PPIP5K2: variants seen among roughly 807,000 people sequenced by gnomAD.
PPIP5K2 encodes diphosphoinositol pentakisphosphate kinase 2, also known as inositol hexakisphosphate and diphosphoinositol-pentakisphosphate kinase 2.
PPIP5K2 carries 105 observed loss-of-function variants against 154.6 expected under a neutral mutation model. The observed-to-expected ratio is 0.68, with a 90% CI of 0.58 to 0.80. The LOEUF (loss-of-function observed/expected upper bound fraction) is 0.80. Among genes scored for constraint, PPIP5K2 ranks in the 30% least tolerant of loss-of-function variants. The pLI, the probability that PPIP5K2 is intolerant of heterozygous loss-of-function variation, is 0.00. For missense variants in PPIP5K2, 992 were observed against 1,504.6 expected, an observed-to-expected ratio of 0.66 and a Z score of 5.64; for synonymous variants, 480 against 490.3, an observed-to-expected ratio of 0.98 and a Z score of 0.28.
At position 103,209,291 on chromosome 5, in the gene PPIP5K2, T is replaced by C. The variant is rs1222382471; in HGVS notation, c.*7657T>C. Reference sequence around the variant, plus strand: ...GTTGCCAGGGCAACAGCCTGCCTAGTAACAATCTAACAGACACCCCCCAAA... The same window carrying C: ...GTTGCCAGGGCAACAGCCTGCCTAGCAACAATCTAACAGACACCCCCCAAA... On this transcript the variant is annotated 3_prime_UTR_variant, in exon 31 of 31. Transcript: ENST00000358359. The C allele has an allele frequency of 2.0e-5, 3 of 152,136 alleles. No individual in the cohort carries two copies. Among genetic ancestry groups the C allele is most frequent in the Non-Finnish European group, 4.4e-5 (3 of 68,014 alleles). 9.4% of individuals were successfully genotyped at this position (152,136 alleles called of 1,614,324 possible).
intron 19 of PPIP5K2, among the ~76,000 whole-genome samples, chr5:103,171,117 G>T (rs1285025017): frequency 6.6e-6 from 1 of 151,384 alleles, no homozygotes; most frequent in East Asian, 1.9e-4. Flanking sequence ...CTTAAATGAT[G>T]CATATGGTCT....
At chr5:103,153,263 G>C (rs1433609916) in intron 10 of PPIP5K2, among the ~76,000 whole-genome samples, 3 of 151,572 alleles carry the variant, frequency 2.0e-5, no homozygotes, top group African/African-American at 7.3e-5. Flanking sequence ...GATTTAACAC[G>C]CAAGTGTTAA....
At chr5:103,153,055 A>G (rs1794881942) in intron 10 of PPIP5K2, among the ~76,000 whole-genome samples, 1 of 151,932 alleles carries the variant, frequency 6.6e-6, no homozygotes. Flanking sequence ...CTCTCAAGTC[A>G]TATCTTGCAT....
intron 7 of PPIP5K2, among the ~76,000 whole-genome samples, chr5:103,148,461 A>C (rs530283735): frequency 1.3e-5 from 2 of 152,236 alleles, no homozygotes; most frequent in Admixed American, 1.3e-4. Flanking sequence ...CTGTCATTTT[A>C]GTTGGTGACA....
chr5:103,154,654 C>G lies in PPIP5K2; in HGVS notation c.1218-16C>G, dbSNP rs1554212439. ...ATTATTGCAAGTGACTAACAGTGTT[C>G]TGTCTTTTTTATAAGATTTTTTGAT... is the stretch of plus-strand genomic sequence containing the variant. On this transcript the variant is annotated splice_polypyrimidine_tract_variant and intron_variant, in intron 11 of 30. Transcript: ENST00000358359. 1.4e-6 allele frequency: 2 copies of G among 1,413,620 alleles called. No homozygotes were observed. Among genetic ancestry groups the G allele is most frequent in the Non-Finnish European group, 2.0e-6 (2 of 1,023,258 alleles). 87.6% of individuals were successfully genotyped at this position (1,413,620 alleles called of 1,614,324 possible).
chr5:103,128,060 A>T (rs1283804420), intron 1 of PPIP5K2, among the ~76,000 whole-genome samples: 2 of 152,162 alleles, frequency 1.3e-5, no homozygotes, highest in African/African-American at 4.8e-5. Flanking sequence ...AAATTATTTT[A>T]AATGTAACGC....
chr5:103,208,861 T>G lies in PPIP5K2; in HGVS notation c.*7227T>G, dbSNP rs529560884. The G allele has an allele frequency of 4.6e-5, 7 of 152,324 alleles. No individual in the cohort carries two copies. Among genetic ancestry groups the G allele is most frequent in the African/African-American group, 1.7e-4 (7 of 41,574 alleles). 9.4% of individuals were successfully genotyped at this position (152,324 alleles called of 1,614,324 possible). A position where few individuals can be genotyped will look rare whatever the true frequency, so the allele number is the denominator to read the frequency against. Reference sequence around the variant, plus strand: ...GAGGTTAAAGTGTCTTCTAGTTTTGTTGAAGATAGTTTATGTTTCTCTTCA... The same window carrying G: ...GAGGTTAAAGTGTCTTCTAGTTTTGGTGAAGATAGTTTATGTTTCTCTTCA... On this transcript the variant is annotated 3_prime_UTR_variant, in exon 31 of 31. Coordinates refer to ENST00000358359, the MANE Select transcript of PPIP5K2 (RefSeq NM_001276277.3).
intron 23 of PPIP5K2, 39 bp downstream of exon 23, chr5:103,178,019 T>A: frequency 4.0e-6 from 5 of 1,252,600 alleles, no homozygotes; most frequent in Non-Finnish European, 5.8e-6. Flanking sequence ...GTTACTACAG[T>A]TCTAGATTTT....
chr5:103,198,502 C>T (rs1371912975), intron 30 of PPIP5K2, among the ~76,000 whole-genome samples: 1 of 152,022 alleles, frequency 6.6e-6, no homozygotes, highest in Non-Finnish European at 1.5e-5. Context: ...GTACAGAGAG[C>T]GATTACACTC....
chr5:103,154,572 T>G, intron 11 of PPIP5K2, 98 bp from the exon 12 acceptor site: 1 of 710,114 alleles, frequency 1.4e-6, no homozygotes, highest in South Asian at 2.3e-5. Context: ...TCCCAAGTTC[T>G]AGTCCCATAG....
chr5:103,161,656 C>T (rs1410142251), intron 17 of PPIP5K2, among the ~76,000 whole-genome samples: 1 of 152,176 alleles, frequency 6.6e-6, no homozygotes, highest in African/African-American at 2.4e-5. Flanking sequence ...GCCATTCTAA[C>T]TGGTGTGAGA....
intron 14 of PPIP5K2, among the ~76,000 whole-genome samples, chr5:103,157,027 C>T (rs2149599197): frequency 6.6e-6 from 1 of 152,116 alleles, no homozygotes; most frequent in East Asian, 1.9e-4. Flanking sequence ...ATTCTATAAG[C>T]AAATAATTTA....
Position 103,194,882 on chromosome 5 carries a change from T to A in PPIP5K2, c.3494-18T>A. 1 of 1,596,208 alleles carries A rather than the reference T, an allele frequency of 6.3e-7. No homozygotes were observed. Among genetic ancestry groups the A allele is most frequent in the Non-Finnish European group, 8.5e-7 (1 of 1,172,432 alleles). ...GCAGGAAATTATTAAATTAACATGTTTGTTTATTTTTTTTCAGCCTCTACA... is the reference window on the plus strand; with the variant it reads ...GCAGGAAATTATTAAATTAACATGTATGTTTATTTTTTTTCAGCCTCTACA... On this transcript the variant is annotated intron_variant, in intron 29 of 30. Transcript: ENST00000358359.
chr5:103,192,054 T>C (rs1337696345), intron 29 of PPIP5K2, among the ~76,000 whole-genome samples: 9 of 152,180 alleles, frequency 5.9e-5, no homozygotes, highest in African/African-American at 2.2e-4. Flanking sequence ...TCTATTCTCT[T>C]TATATTTTGT....
chr5:103,146,420 A>C, intron 5 of PPIP5K2, 107 bp from the exon 6 acceptor site: 3 of 1,168,122 alleles, frequency 2.6e-6, no homozygotes, highest in South Asian at 1.7e-5. Flanking sequence ...ACATTATCCA[A>C]GTTTTCTTTT....
chr5:103,134,257 C>A (rs997632816), intron 3 of PPIP5K2, among the ~76,000 whole-genome samples: 1 of 152,106 alleles, frequency 6.6e-6, no homozygotes, highest in African/African-American at 2.4e-5. Flanking sequence ...AATATCACTT[C>A]AGCTTAAGTA....
Position 103,205,178 on chromosome 5 carries a change from CT to C in PPIP5K2, c.*3552del, listed in dbSNP as rs200483370. 11 of 151,750 alleles carry C rather than the reference CT, an allele frequency of 7.2e-5. No homozygotes were observed. Among genetic ancestry groups the C allele is most frequent in the South Asian group, 2.1e-4 (1 of 4,798 alleles). 9.4% of individuals were successfully genotyped at this position (151,750 alleles called of 1,614,324 possible). ...CAGCTTCATCCATGTCCTTGTCATC[CT>C]TTTTTTTGGCTGCATAGTATTCCAT... On this transcript the variant is annotated 3_prime_UTR_variant, in exon 31 of 31. Coordinates refer to ENST00000358359, the MANE Select transcript of PPIP5K2 (RefSeq NM_001276277.3).
intron 21 of PPIP5K2, chr5:103,176,969 T>C (rs1798819354): frequency 7.8e-7 from 1 of 1,282,880 alleles, no homozygotes; most frequent in Non-Finnish European, 1.1e-6. Flanking sequence ...ATCACTTCAG[T>C]GTAATAGGGA....
chr5:103,184,583 TTGTC>T (rs1800060217), intron 25 of PPIP5K2, 85 bp from the exon 26 acceptor site: 5 of 933,962 alleles, frequency 5.4e-6, no homozygotes, highest in African/African-American at 1.7e-5. Flanking sequence ...TTATTAACCT[TTGTC>T]TGTCTGGAAC....
Sources: allele counts gnomAD v4.1 joint callset (sites outside exome capture counted in the v4.1 genomes callset), GRCh38; gene constraint gnomAD v4.1.1; transcripts MANE v1.5; gene names NCBI Gene and HGNC (gene_info 2026-07-23, HGNC 2026-07-21).